Variants in KIFC3 observed in about 807,000 individuals in gnomAD.
KIFC3 encodes the protein kinesin-like protein KIFC3.
A neutral mutation model predicts 101.8 loss-of-function variants in KIFC3; 60 were observed. The observed-to-expected ratio is 0.59, with a 90% CI of 0.48 to 0.73. KIFC3 has a LOEUF of 0.73. Ranked by LOEUF, KIFC3 falls within the 30% of genes least tolerant of loss-of-function variation. The probability of loss-of-function intolerance (pLI) is 0.00; values close to 1 mark genes in which losing one functional copy is unlikely to be tolerated. For synonymous variants in KIFC3, 476 were observed against 482.7 expected, an observed-to-expected ratio of 0.99 and a Z score of 0.18; for missense variants, 966 against 1,137.1, an observed-to-expected ratio of 0.85 and a Z score of 2.16.
chr16:57,816,771 C>T (rs1555628933), intron 1 of KIFC3: 1 of 455,466 alleles, frequency 2.2e-6, no homozygotes, highest in African/African-American at 2.0e-5. Flanking sequence ...GACAGCCACC[C>T]CTTCCAGGCA....
intron 1 of KIFC3, among the ~76,000 whole-genome samples, chr16:57,826,843 C>T (rs1347922419): frequency 6.6e-6 from 1 of 152,198 alleles, no homozygotes; most frequent in African/African-American, 2.4e-5. Flanking sequence ...GTACATACCT[C>T]TCACCGTGGT....
In KIFC3 at chr16:57,765,562, G is replaced by T. The variant is rs782139804; in HGVS notation, c.1409C>A (p.Thr470Asn). ...GEGPEATNAV[T>N]FDADDDSIIH... Reference sequence around the variant, plus strand: ...GATGGAGTCGTCGTCGGCATCGAAAGTCACAGCATTGGTGGCCTCAGGTCC... The same window carrying T: ...GATGGAGTCGTCGTCGGCATCGAAATTCACAGCATTGGTGGCCTCAGGTCC... Residue 470 changes from threonine to asparagine, a missense_variant, in exon 11 of 20, where the codon ACT becomes AAT. Thr to Asn is a moderately conservative substitution (Grantham distance 65). Transcript: ENST00000445690. 6.2e-7 allele frequency: 1 copy of T among 1,608,852 alleles called. No homozygotes were observed. The highest frequency in any genetic ancestry group is 1.1e-5 in the South Asian group (1 of 89,626).
At chr16:57,785,322 C>CGT in intron 3 of KIFC3, 1 of 276,816 alleles carries the variant, frequency 3.6e-6, no homozygotes, top group South Asian at 5.5e-5. Context: ...CACCACCCTA[C>CGT]CCTCCAGCGT....
At chr16:57,848,603 T>C (rs1388557931) in intron 1 of KIFC3, among the ~76,000 whole-genome samples, 1 of 152,204 alleles carries the variant, frequency 6.6e-6, no homozygotes, top group Non-Finnish European at 1.5e-5. Flanking sequence ...CACTCCAGCC[T>C]GATAGACAGA....
Position 57,770,627 on chromosome 16 carries a change from T to A in KIFC3, c.839A>T (p.Gln280Leu). The part of the protein sequence containing the change: ...QALSESQARN[Q>L]HLQEQVAMQR... ...CATAGCCACCTGCTCCTGCAGGTGC[T>A]GGTTCCGGGCCTGGGACTCGCTGAG... Residue 280 changes from glutamine (Q) to leucine (L), a missense_variant, in exon 7 of 20, where the codon CAG becomes CTG. Physicochemically the swap from Gln to Leu is moderately radical, Grantham distance 113 (BLOSUM62 -2). Coordinates refer to ENST00000445690, the MANE Select transcript of KIFC3 (RefSeq NM_001130100.2). 6.4e-7 allele frequency: 1 copy of A among 1,551,942 alleles called. No homozygotes were observed. The highest frequency in any genetic ancestry group is 8.7e-7 in the Non-Finnish European group (1 of 1,147,684).
chr16:57,789,052 C>T (rs79468045), intron 3 of KIFC3, among the ~76,000 whole-genome samples: 18,316 of 152,258 alleles, frequency 0.12, 1,324 homozygotes, highest in African/African-American at 0.19. Context: ...GGCTTGCTTC[C>T]GGTGCGCACA....
At chr16:57,793,571 C>T (rs1260413746) in intron 3 of KIFC3, among the ~76,000 whole-genome samples, 6 of 143,688 alleles carry the variant, frequency 4.2e-5, no homozygotes, top group East Asian at 2.0e-4. Flanking sequence ...CCAGCCTGGG[C>T]GACAGAGCGA....
upstream of KIFC3, among the ~76,000 whole-genome samples, chr16:57,804,579 A>G (rs1427474677): frequency 6.6e-6 from 1 of 152,150 alleles, no homozygotes; most frequent in Admixed American, 6.5e-5. Context: ...AAACGTAAAA[A>G]CTACTTGTTT....
chr16:57,818,692 T>A (rs1159679599), intron 1 of KIFC3, among the ~76,000 whole-genome samples: 1 of 152,080 alleles, frequency 6.6e-6, no homozygotes, highest in Admixed American at 6.6e-5. Context: ...CCAGATCCAG[T>A]ATACTGCACT....
rs1555605971 is a variant in KIFC3 at position 57,769,736 on chromosome 16, A to AG, written c.1088-12_1088-11insC. 6.2e-7 allele frequency: 1 copy of AG among 1,612,862 alleles called. No individual in the cohort carries two copies. The highest frequency in any genetic ancestry group is 1.7e-5 in the Admixed American group (1 of 59,988). ...AGTTGGTCCGGACGCCTATGGGGAC[A>AG]CTCGGGCTGTGAGGCGGGAGGGGAT... On this transcript the variant is annotated splice_polypyrimidine_tract_variant and intron_variant, in intron 8 of 19. Coordinates refer to ENST00000445690, the MANE Select transcript of KIFC3 (RefSeq NM_001130100.2). This position sits in a 1 kb window ranked among gnomAD's most constrained non-coding sequence, Gnocchi z 4.3.
At chr16:57,803,575 G>A (rs1428942496), upstream of KIFC3, among the ~76,000 whole-genome samples, 3 of 152,220 alleles carry the variant, frequency 2.0e-5, no homozygotes, top group Non-Finnish European at 4.4e-5. Context: ...TCCTGCTGCC[G>A]CCCAGGCGCT....
rs545362462 is a variant in KIFC3 at position 57,849,760 on chromosome 16, G to A, written c.108+12969C>T. Among the ~76,000 whole-genome samples, 13 of 152,122 alleles carry A rather than the reference G, an allele frequency of 8.5e-5. No homozygotes were observed. In the East Asian group the frequency reaches 1.9e-3, roughly 23 times the overall value. ...TCTACTAAAAATACAAAAATTAGCCGGGTGTGGTGGTGTGTGCCTGTAATC... is the reference window on the plus strand; with the variant it reads ...TCTACTAAAAATACAAAAATTAGCCAGGTGTGGTGGTGTGTGCCTGTAATC... On this transcript the variant is annotated intron_variant, in intron 1 of 2. Coordinates refer to the KIFC3 transcript ENST00000563028.
chr16:57,787,104 G>A (rs1174764257), intron 3 of KIFC3, among the ~76,000 whole-genome samples: 2 of 152,224 alleles, frequency 1.3e-5, no homozygotes, highest in African/African-American at 4.8e-5. Context: ...GAGATCAGAC[G>A]GATGCTTCCA....
rs1207654991 is a variant in KIFC3, at chr16:57,760,407, C to T, written c.2242G>A (p.Val748Met). The T allele has an allele frequency of 9.9e-6, 16 of 1,613,514 alleles. No individual in the cohort carries two copies. The highest frequency in any genetic ancestry group is 2.7e-5 in the African/African-American group (2 of 74,932). ...AGCGTCTCGCTAGTGTTCTTCTCCA[C>T]GGGGGACACCTAGGGGACACGAGAG... ...KTLMVVQVSP[V>M]EKNTSETLYS... Residue 748 changes from valine (V) to methionine (M), a missense_variant, in exon 17 of 20, where the codon GTG (valine) becomes ATG (methionine). By Grantham distance (21) the Val-to-Met change is conservative. Transcript: ENST00000445690.
chr16:57,788,783 T>G (rs984729953), intron 3 of KIFC3: 1 of 1,264,296 alleles, frequency 7.9e-7, no homozygotes, highest in African/African-American at 1.5e-5. Context: ...AGCCAGAGGA[T>G]GGTGTGCTCC....
intron 3 of KIFC3, among the ~76,000 whole-genome samples, chr16:57,781,600 C>T (rs573309327): frequency 6.6e-6 from 1 of 152,342 alleles, no homozygotes; most frequent in East Asian, 1.9e-4. Context: ...ATACAAACAC[C>T]TCCTCCACCT....
intron 1 of KIFC3, among the ~76,000 whole-genome samples, chr16:57,838,673 A>G (rs2055745753): frequency 6.6e-6 from 1 of 152,140 alleles, no homozygotes. Context: ...TGCAGCTTCC[A>G]TTTTCCAAAA....
At chr16:57,792,092 C>T (rs1284211194) in intron 3 of KIFC3, among the ~76,000 whole-genome samples, 1 of 152,220 alleles carries the variant, frequency 6.6e-6, no homozygotes, top group Non-Finnish European at 1.5e-5. Flanking sequence ...CCATCCTGTC[C>T]ACAATTTGTA....
intron 1 of KIFC3, among the ~76,000 whole-genome samples, chr16:57,851,151 C>T (rs571670908): frequency 6.6e-6 from 1 of 152,214 alleles, no homozygotes; most frequent in South Asian, 2.1e-4. Flanking sequence ...GCCAGGATTA[C>T]AGGAGTGTGT....
Sources: gnomAD v4.1 joint callset for allele counts (sites outside exome capture counted in the v4.1 genomes callset) on GRCh38, gnomAD v4.1.1 for gene constraint, Gnocchi (gnomAD v3.1) non-coding constraint, MANE v1.5 for transcripts, NCBI Gene and HGNC (gene_info 2026-07-23, HGNC 2026-07-21) for gene names.